TRHDE: variants seen among roughly 807,000 people sequenced by gnomAD.
The protein encoded by TRHDE is thyrotropin releasing hormone degrading enzyme.
TRHDE carries 72 observed loss-of-function variants against 125.7 expected under a neutral mutation model. The ratio of observed to expected loss-of-function variants is 0.57; its 90% CI spans 0.47 to 0.70. The LOEUF (loss-of-function observed/expected upper bound fraction) is 0.70. Ranked by LOEUF, TRHDE falls within the 30% of genes least tolerant of loss-of-function variation. The pLI is 0.00. For synonymous variants in TRHDE, 509 were observed against 509.1 expected, an observed-to-expected ratio of 1.00 and a Z score of 0.00; for missense variants, 1,110 against 1,327.1, an observed-to-expected ratio of 0.84 and a Z score of 2.54.
At chr12:72,297,228 G>T (rs1880334603) in intron 2 of TRHDE, among the ~76,000 whole-genome samples, 1 of 152,108 alleles carries the variant, frequency 6.6e-6, no homozygotes, top group Non-Finnish European at 1.5e-5. Flanking sequence ...GGAGAAGCAG[G>T]GAGGCAAGTG....
In TRHDE at chr12:72,668,061, A is replaced by G. The variant is rs1360142523; in HGVS notation, c.*4866A>G. ...ATTAGTATATGTGAACTTATGAAAA[A>G]ATGTTCTTGTAAATTATTCTAGAAT... On this transcript the variant is annotated 3_prime_UTR_variant, in exon 19 of 19. Transcript: ENST00000261180. The G allele has an allele frequency of 6.6e-6, 1 of 151,680 alleles. No individual in the cohort carries two copies. Among genetic ancestry groups the G allele is most frequent in the African/African-American group, 2.4e-5 (1 of 41,420 alleles). 9.4% of individuals were successfully genotyped at this position (151,680 alleles called of 1,614,324 possible). A position where few individuals can be genotyped will look rare whatever the true frequency, so the allele number is the denominator to read the frequency against.
intron 2 of TRHDE, among the ~76,000 whole-genome samples, chr12:72,332,852 C>G (rs12821309): frequency 0.35 from 52,729 of 151,882 alleles, 9,871 homozygotes; most frequent in Non-Finnish European, 0.43. Flanking sequence ...TCTGGTGCAG[C>G]CTAGACCTGC....
intron 3 of TRHDE, among the ~76,000 whole-genome samples, chr12:72,380,680 G>T (rs1592403790): frequency 6.6e-6 from 1 of 151,970 alleles, no homozygotes; most frequent in East Asian, 1.9e-4. Context: ...ACAGATCATG[G>T]ACCGCCAGCA....
At chr12:72,359,266 T>C (rs760137853) in intron 2 of TRHDE, among the ~76,000 whole-genome samples, 1 of 151,668 alleles carries the variant, frequency 6.6e-6, no homozygotes, top group Non-Finnish European at 1.5e-5. Flanking sequence ...AAACAATGAA[T>C]TGAAGGGAAC....
intron 6 of TRHDE, among the ~76,000 whole-genome samples, chr12:72,504,305 ATTT>A (rs748855139): frequency 1.4e-5 from 2 of 141,566 alleles, no homozygotes; most frequent in Admixed American, 1.4e-4. Flanking sequence ...CACTAAGAAA[ATTT>A]TTTTTTTTTT....
intron 1 of TRHDE, among the ~76,000 whole-genome samples, chr12:72,097,402 T>C (rs907921510): frequency 1.3e-5 from 2 of 150,156 alleles, no homozygotes; most frequent in South Asian, 2.1e-4. Context: ...TAGATATGTT[T>C]AGTCCCTCCT....
chr12:72,407,232 C>T (rs1873305405), intron 3 of TRHDE, among the ~76,000 whole-genome samples: 1 of 152,160 alleles, frequency 6.6e-6, no homozygotes, highest in Admixed American at 6.6e-5. Context: ...CAGTTGGAAG[C>T]TGTAGAGGAC....
At chr12:72,600,688 A>T (rs1202578280) in intron 12 of TRHDE, among the ~76,000 whole-genome samples, 2 of 152,016 alleles carry the variant, frequency 1.3e-5, no homozygotes, top group African/African-American at 4.8e-5. Context: ...CCATTTTGAA[A>T]ATTCTAGGAC....
Position 72,618,833 on chromosome 12 carries a change from G to T in TRHDE, c.2322-58G>T, listed in dbSNP as rs918088996. On this transcript the variant is annotated intron_variant, in intron 12 of 18. Transcript: ENST00000261180. ...TTTTGCTTTTCCGTCTTTTATTTGC[G>T]TAAGTAAAAATCTTCGTTTGTGCAT... 3.7e-6 allele frequency: 5 copies of T among 1,365,832 alleles called. No homozygotes were observed. In the African/African-American group the frequency reaches 4.5e-5, roughly 12 times the overall value. The allele number at this position is 1,365,832 out of a possible 1,614,324, so 84.6% of individuals were successfully genotyped here.
At chr12:72,629,149 A>ATT (rs1873375228) in intron 15 of TRHDE, among the ~76,000 whole-genome samples, 1 of 151,848 alleles carries the variant, frequency 6.6e-6, no homozygotes, top group Non-Finnish European at 1.5e-5. Flanking sequence ...TGCATTAACG[A>ATT]CTTTATATTC....
rs1403962910 is a variant in TRHDE, at chr12:72,202,246, G to C, written n.279+96494G>C. Reference sequence around the variant, plus strand: ...GAGATCCCTTGTCCTCTGGTTTCCTGTTTCTGGCCAGTGGGGAGCCTTGAC... The same window carrying C: ...GAGATCCCTTGTCCTCTGGTTTCCTCTTTCTGGCCAGTGGGGAGCCTTGAC... On this transcript the variant is annotated intron_variant and non_coding_transcript_variant, in intron 2 of 4. Transcript: ENST00000548156. 3.9e-5 allele frequency among the ~76,000 whole-genome samples: 6 copies of C among 152,120 alleles called. No individual in the cohort carries two copies. In the South Asian group the frequency reaches 1.2e-3, roughly 32 times the overall value.
chr12:72,103,081 C>A (rs958187398), intron 1 of TRHDE, among the ~76,000 whole-genome samples: 4 of 152,198 alleles, frequency 2.6e-5, no homozygotes, highest in Non-Finnish European at 4.4e-5. Context: ...CCCAAAAGCA[C>A]ACCCTGTGCA....
chr12:72,097,202 T>C (rs1418885903), intron 1 of TRHDE, among the ~76,000 whole-genome samples: 1 of 152,086 alleles, frequency 6.6e-6, no homozygotes, highest in Non-Finnish European at 1.5e-5. Context: ...TTTGAACAAA[T>C]TGTGTCTGGC....
chr12:72,153,322 T>G (rs1437798491), intron 2 of TRHDE, among the ~76,000 whole-genome samples: 1 of 152,220 alleles, frequency 6.6e-6, no homozygotes, highest in Non-Finnish European at 1.5e-5. Flanking sequence ...AGTCTATCAA[T>G]TTTGCTGATC....
intron 2 of TRHDE, among the ~76,000 whole-genome samples, chr12:72,186,893 T>C (rs1463782239): frequency 6.6e-6 from 1 of 152,016 alleles, no homozygotes; most frequent in Non-Finnish European, 1.5e-5. Flanking sequence ...TCCTGGCTGA[T>C]AGGAAGTAGG....
intron 2 of TRHDE, 126 bp from the exon 3 acceptor site, chr12:72,377,869 G>A: frequency 1.6e-6 from 1 of 631,510 alleles, no homozygotes; most frequent in Non-Finnish European, 2.5e-6. Flanking sequence ...TTGATATAGT[G>A]TATGAACGAG....
At position 72,185,073 on chromosome 12, in the gene TRHDE, G is replaced by A. The variant is rs940787188; in HGVS notation, n.279+79321G>A. On this transcript the variant is annotated intron_variant and non_coding_transcript_variant, in intron 2 of 4. Coordinates refer to the TRHDE transcript ENST00000548156. The stretch of plus-strand genomic sequence containing the variant: ...TTGAGCGGGAACCGGGGCTGCCTGC[G>A]GCGCTTGCGGGCCAGCTGGAGTTCT... 1.1e-4 allele frequency among the ~76,000 whole-genome samples: 17 copies of A among 152,160 alleles called. No individual in the cohort carries two copies. In the East Asian group the frequency reaches 2.9e-3, roughly 26 times the overall value.
At chr12:72,659,286 T>C (rs34893785) in intron 18 of TRHDE, among the ~76,000 whole-genome samples, 23,422 of 152,144 alleles carry the variant, frequency 0.15, 2,441 homozygotes, top group East Asian at 0.54. Flanking sequence ...CAATATTTCT[T>C]CATAAGGCAA....
At chr12:72,545,008 G>A (rs1290412901) in intron 7 of TRHDE, among the ~76,000 whole-genome samples, 1 of 151,328 alleles carries the variant, frequency 6.6e-6, no homozygotes, top group Non-Finnish European at 1.5e-5. Flanking sequence ...TTACCCATTG[G>A]TTCAGCTATG....
Sources: gnomAD v4.1 joint callset for allele counts (sites outside exome capture counted in the v4.1 genomes callset) on GRCh38, gnomAD v4.1.1 for gene constraint, MANE v1.5 for transcripts, NCBI Gene and HGNC (gene_info 2026-07-23, HGNC 2026-07-21) for gene names.